The following TMTC2 variants were observed in gnomAD, a reference collection of about 807,000 sequenced individuals.
TMTC2 encodes the protein transmembrane O-mannosyltransferase targeting cadherins 2.
A neutral mutation model predicts 82.4 loss-of-function variants in TMTC2; 43 were observed. The observed-to-expected ratio is 0.52, with a 90% confidence interval of 0.41 to 0.67. The LOEUF is 0.67. TMTC2 is among the 30% of genes least tolerant of loss of function. The probability of loss-of-function intolerance (pLI) is 0.00; values close to 1 mark genes in which losing one functional copy is unlikely to be tolerated. For synonymous variants in TMTC2, 408 were observed against 381.9 expected, an observed-to-expected ratio of 1.07 and a Z score of -0.80; for missense variants, 919 against 1,012.4, an observed-to-expected ratio of 0.91 and a Z score of 1.25.
At chr12:83,085,800 T>C (rs1001049206) in intron 11 of TMTC2, among the ~76,000 whole-genome samples, 1 of 152,250 alleles carries the variant, frequency 6.6e-6, no homozygotes, top group Admixed American at 6.5e-5. Context: ...TTCAGTTTTC[T>C]ATAATTTTCT....
intron 8 of TMTC2, among the ~76,000 whole-genome samples, chr12:83,018,045 G>T (rs1029540255): frequency 6.8e-6 from 1 of 147,938 alleles, no homozygotes; most frequent in African/African-American, 2.5e-5. Context: ...TTGTGTGTGT[G>T]TATGTATATA....
chr12:82,750,859 A>G (rs1875959523), intron 1 of TMTC2, among the ~76,000 whole-genome samples: 1 of 152,170 alleles, frequency 6.6e-6, no homozygotes, highest in Non-Finnish European at 1.5e-5. Context: ...ATAGGTGCTT[A>G]GTAAATAGTT....
chr12:83,007,558 AC>A (rs1565850092), intron 8 of TMTC2, among the ~76,000 whole-genome samples: 3 of 152,214 alleles, frequency 2.0e-5, no homozygotes, highest in South Asian at 2.1e-4. Context: ...CGGAGTATTC[AC>A]AATTCCTCCC....
At chr12:83,062,694 T>C (rs1882787564) in intron 11 of TMTC2, among the ~76,000 whole-genome samples, 1 of 151,786 alleles carries the variant, frequency 6.6e-6, no homozygotes, top group African/African-American at 2.4e-5. Context: ...ATACAGAGAT[T>C]TTGTATCTTA....
At chr12:82,992,739 T>G (rs1404962461) in intron 8 of TMTC2, among the ~76,000 whole-genome samples, 2 of 152,178 alleles carry the variant, frequency 1.3e-5, no homozygotes, top group Non-Finnish European at 2.9e-5. Context: ...GTATCAGTCT[T>G]ATGATTATTC....
At chr12:82,718,412 A>C (rs1479716493) in intron 1 of TMTC2, among the ~76,000 whole-genome samples, 1 of 152,350 alleles carries the variant, frequency 6.6e-6, no homozygotes, top group Non-Finnish European at 1.5e-5. Context: ...TCACCGTTGT[A>C]AATCCAGGCA....
At chr12:82,888,320 T>G (rs1873208850) in intron 2 of TMTC2, among the ~76,000 whole-genome samples, 1 of 152,218 alleles carries the variant, frequency 6.6e-6, no homozygotes. Flanking sequence ...GCTACTACTT[T>G]AATGTGTGCT....
chr12:82,723,365 T>C (rs1254969953), intron 1 of TMTC2, among the ~76,000 whole-genome samples: 1 of 152,204 alleles, frequency 6.6e-6, no homozygotes, highest in Admixed American at 6.5e-5. Flanking sequence ...GTTATGGTTA[T>C]GCAAGGCTTC....
At position 83,066,204 on chromosome 12, in the gene TMTC2, G is replaced by C. The variant is rs149637395; in HGVS notation, c.2331+4373G>C. On this transcript the variant is annotated intron_variant, in intron 11 of 11. Transcript: ENST00000321196. Reference sequence around the variant, plus strand: ...GCTTTGTGAGACACATGAGCTAGGTGTAAGCAAAGCGCACAGGAGAGAGAA... The same window carrying C: ...GCTTTGTGAGACACATGAGCTAGGTCTAAGCAAAGCGCACAGGAGAGAGAA... Among the ~76,000 whole-genome samples, 10 of 152,060 alleles carry C rather than the reference G, an allele frequency of 6.6e-5. No individual in the cohort carries two copies. In the East Asian group the frequency reaches 1.9e-3, roughly 29 times the overall value.
At chr12:83,103,846 C>T (rs1198842605) in intron 11 of TMTC2, among the ~76,000 whole-genome samples, 3 of 152,272 alleles carry the variant, frequency 2.0e-5, no homozygotes, top group Non-Finnish European at 4.4e-5. Flanking sequence ...ACCAATAAGC[C>T]TGTAAAATAA....
At chr12:82,951,852 A>C (rs1413471276) in intron 4 of TMTC2, among the ~76,000 whole-genome samples, 1 of 152,216 alleles carries the variant, frequency 6.6e-6, no homozygotes, top group African/African-American at 2.4e-5. Flanking sequence ...AAACACTCTT[A>C]GTTAAAATGT....
intron 11 of TMTC2, among the ~76,000 whole-genome samples, chr12:83,073,640 TA>T (rs764888833): frequency 3.3e-5 from 5 of 152,132 alleles, no homozygotes; most frequent in Non-Finnish European, 7.3e-5. Context: ...TCATTTAACA[TA>T]ATCCCAGACT....
intron 11 of TMTC2, among the ~76,000 whole-genome samples, chr12:83,094,360 G>A (rs1482679130): frequency 1.3e-5 from 2 of 152,118 alleles, no homozygotes; most frequent in African/African-American, 4.8e-5. Flanking sequence ...ACAATACTGT[G>A]GTGTGTTCAG....
chr12:82,807,170 A>C (rs1879285893), intron 1 of TMTC2, among the ~76,000 whole-genome samples: 1 of 152,132 alleles, frequency 6.6e-6, no homozygotes, highest in Admixed American at 6.6e-5. Context: ...ATATATAAGG[A>C]AGTGATTGTG....
chr12:82,879,542 CCT>C (rs1872730095), intron 2 of TMTC2, among the ~76,000 whole-genome samples: 1 of 152,160 alleles, frequency 6.6e-6, no homozygotes, highest in African/African-American at 2.4e-5. Flanking sequence ...TGGCTCAGTT[CCT>C]AACAGGCCAT....
chr12:83,113,192 G>C (rs1299493850), intron 11 of TMTC2, among the ~76,000 whole-genome samples: 1 of 152,144 alleles, frequency 6.6e-6, no homozygotes, highest in Non-Finnish European at 1.5e-5. Flanking sequence ...ACAAGGAGGG[G>C]AGACAGGAAG....
At chr12:82,981,906 GT>G (rs1301337567) in intron 7 of TMTC2, among the ~76,000 whole-genome samples, 1 of 151,470 alleles carries the variant, frequency 6.6e-6, no homozygotes, top group African/African-American at 2.4e-5. Flanking sequence ...GTTATTAAAT[GT>G]TTTATTCCCT....
At chr12:82,950,397 T>C (rs569745776) in intron 4 of TMTC2, among the ~76,000 whole-genome samples, 1 of 152,328 alleles carries the variant, frequency 6.6e-6, no homozygotes, top group East Asian at 1.9e-4. Flanking sequence ...GTCTTAGTTA[T>C]ATATTCAAAA....
chr12:82,947,364 C>T lies in TMTC2; in HGVS notation c.1598+16819C>T, dbSNP rs1435974101. On this transcript the variant is annotated intron_variant, in intron 4 of 11. Coordinates refer to ENST00000321196, the MANE Select transcript of TMTC2 (RefSeq NM_152588.3). ...TTTTTTCTTTTTTTTTTTTTTGAGA[C>T]GGAGTCTCGCTCTTGTCGCCCAGGC... is the stretch of plus-strand genomic sequence containing the variant. 6.5e-5 allele frequency among the ~76,000 whole-genome samples: 9 copies of T among 138,218 alleles called. No individual in the cohort carries two copies. In the South Asian group the frequency reaches 1.1e-3, roughly 17 times the overall value. The allele number at this position is 138,218 out of a possible 152,430, so 90.7% of individuals were successfully genotyped here.
Sources: allele counts gnomAD v4.1 joint callset (sites outside exome capture counted in the v4.1 genomes callset), GRCh38; gene constraint gnomAD v4.1.1; transcripts MANE v1.5; gene names NCBI Gene and HGNC (gene_info 2026-07-23, HGNC 2026-07-21).